Variants in KCNN2 observed in about 807,000 individuals in gnomAD.
The protein encoded by KCNN2 is potassium calcium-activated channel subfamily N member 2.
KCNN2 carries 24 observed loss-of-function variants against 55.5 expected under a neutral mutation model. The observed-to-expected ratio is 0.43, with a 90% CI of 0.31 to 0.61. The LOEUF is 0.61. Ranked by LOEUF, KCNN2 falls within the 20% of genes least tolerant of loss-of-function variation. The probability of loss-of-function intolerance (pLI) is 0.08; values close to 1 mark genes in which losing one functional copy is unlikely to be tolerated. For synonymous variants in KCNN2, 431 were observed against 336.1 expected (o/e 1.28, Z -3.09); for missense variants, 754 against 853.6 (o/e 0.88, Z 1.45).
At chr5:114,189,804 T>TG (rs1273397817) in intron 1 of KCNN2, among the ~76,000 whole-genome samples, 1 of 152,072 alleles carries the variant, frequency 6.6e-6, no homozygotes, top group Non-Finnish European at 1.5e-5. Context: ...CACACATACA[T>TG]GGGATCTTGG....
intron 1 of KCNN2, among the ~76,000 whole-genome samples, chr5:114,165,357 G>T (rs979520491): frequency 7.9e-5 from 12 of 152,196 alleles, no homozygotes; most frequent in Middle Eastern, 3.4e-3. Context: ...TCCACTTGAT[G>T]AATAGTAAAC....
At chr5:114,258,022 C>T (rs1381221821) in intron 2 of KCNN2, among the ~76,000 whole-genome samples, 3 of 151,916 alleles carry the variant, frequency 2.0e-5, no homozygotes, top group African/African-American at 7.3e-5. Flanking sequence ...TTCTTTTATG[C>T]CTAGTTTGTT....
chr5:114,157,077 C>T (rs766746341), intron 1 of KCNN2, among the ~76,000 whole-genome samples: 1 of 151,648 alleles, frequency 6.6e-6, no homozygotes, highest in Admixed American at 6.6e-5. Context: ...CATATGTATA[C>T]ATGTGCCATG....
At chr5:114,384,863 A>G (rs957414361) in intron 2 of KCNN2, among the ~76,000 whole-genome samples, 3 of 152,174 alleles carry the variant, frequency 2.0e-5, no homozygotes, top group African/African-American at 7.2e-5. Context: ...CGTGACACAC[A>G]TTTGCCATCA....
chr5:114,137,198 C>G (rs1264124189), intron 1 of KCNN2, among the ~76,000 whole-genome samples: 1 of 152,070 alleles, frequency 6.6e-6, no homozygotes, highest in Non-Finnish European at 1.5e-5. Flanking sequence ...CATGAAGTCC[C>G]CTTGTTTTAA....
intron 1 of KCNN2, among the ~76,000 whole-genome samples, chr5:114,150,406 A>G (rs1288800566): frequency 6.6e-6 from 1 of 152,226 alleles, no homozygotes; most frequent in African/African-American, 2.4e-5. Flanking sequence ...CTTCACTTCC[A>G]TTCTTTTGCC....
intron 2 of KCNN2, among the ~76,000 whole-genome samples, chr5:114,339,883 A>G (rs921200622): frequency 2.0e-5 from 3 of 152,036 alleles, no homozygotes; most frequent in Admixed American, 6.6e-5. Flanking sequence ...GGGCCCACAG[A>G]CCTCCATGAC....
chr5:114,357,562 T>C (rs1478253502), upstream of KCNN2, among the ~76,000 whole-genome samples: 2 of 129,092 alleles, frequency 1.5e-5, no homozygotes, highest in Non-Finnish European at 3.3e-5. Context: ...TGGTTTTTTG[T>C]TCTTGCGATA....
At chr5:114,414,091 C>T (rs1759222176) in intron 3 of KCNN2, among the ~76,000 whole-genome samples, 2 of 152,078 alleles carry the variant, frequency 1.3e-5, no homozygotes, top group African/African-American at 4.8e-5. Context: ...TTCCTACTTC[C>T]TGCTGGATTT....
chr5:114,062,987 C>T (rs1750363069), intron 1 of KCNN2, among the ~76,000 whole-genome samples: 1 of 152,158 alleles, frequency 6.6e-6, no homozygotes, highest in Non-Finnish European at 1.5e-5. Context: ...AAAAATCAAG[C>T]ATCCAGTCAA....
intron 2 of KCNN2, among the ~76,000 whole-genome samples, chr5:114,372,380 ACCTCACATTTCTCTAGTTT>A (rs1014708260): frequency 2.6e-5 from 4 of 152,112 alleles, no homozygotes; most frequent in Non-Finnish European, 5.9e-5. Flanking sequence ...TCTATTAGCC[ACCTCACATTTCTCTAGTTT>A]GTGTACAAGA....
intron 3 of KCNN2, among the ~76,000 whole-genome samples, chr5:114,461,282 T>C (rs1233885700): frequency 6.6e-6 from 1 of 152,192 alleles, no homozygotes. Flanking sequence ...ATGACTTTCC[T>C]TTTGACAATG....
At chr5:114,158,695 T>G (rs7381150) in intron 1 of KCNN2, among the ~76,000 whole-genome samples, 61,576 of 147,784 alleles carry the variant, frequency 0.42, 13,864 homozygotes, top group Middle Eastern at 0.55. Context: ...GTGGTTTGTA[T>G]TTCTCCTTGA....
chr5:114,326,366 G>C (rs1756714494), intron 2 of KCNN2, among the ~76,000 whole-genome samples: 1 of 152,164 alleles, frequency 6.6e-6, no homozygotes. Flanking sequence ...GCAGTAAGAA[G>C]GATGAAGTGG....
chr5:114,480,041 C>T (rs1224131768), intron 5 of KCNN2, among the ~76,000 whole-genome samples: 2 of 151,574 alleles, frequency 1.3e-5, no homozygotes, highest in East Asian at 1.9e-4. Flanking sequence ...AAGACAGAGA[C>T]ACAAATAACC....
intron 1 of KCNN2, among the ~76,000 whole-genome samples, chr5:114,147,781 A>G (rs941654348): frequency 1.3e-5 from 2 of 152,166 alleles, no homozygotes; most frequent in African/African-American, 4.8e-5. Context: ...TAAGGTGTTT[A>G]AATTGTCAGT....
intron 1 of KCNN2, among the ~76,000 whole-genome samples, chr5:114,182,194 C>G (rs1753253884): frequency 6.6e-6 from 1 of 151,792 alleles, no homozygotes; most frequent in African/African-American, 2.4e-5. Flanking sequence ...CTTCTGAGTT[C>G]TCTACTTTGA....
chr5:114,352,774 A>G (rs914623316), intron 2 of KCNN2, among the ~76,000 whole-genome samples: 1 of 151,998 alleles, frequency 6.6e-6, no homozygotes. Context: ...TACAAGTGCA[A>G]TTTTGTTACA....
chr5:114,411,033 A>C (rs1759114750), intron 3 of KCNN2, among the ~76,000 whole-genome samples: 1 of 152,216 alleles, frequency 6.6e-6, no homozygotes, highest in Non-Finnish European at 1.5e-5. Flanking sequence ...AATTCTTGTG[A>C]TCACTGAAAA....
Sources: allele counts gnomAD v4.1 joint callset (sites outside exome capture counted in the v4.1 genomes callset), GRCh38; gene constraint gnomAD v4.1.1; transcripts MANE v1.5; gene names NCBI Gene and HGNC (gene_info 2026-07-23, HGNC 2026-07-21).